The following MYO5B variants were observed in gnomAD, a reference collection of about 807,000 sequenced individuals.
MYO5B encodes myosin VB, also known as unconventional myosin-Vb.
A neutral mutation model predicts 229.3 loss-of-function variants in MYO5B; 143 were observed. The ratio of observed to expected loss-of-function variants is 0.62; its 90% CI spans 0.54 to 0.72. The LOEUF is 0.72. Among genes scored for constraint, MYO5B ranks in the 30% least tolerant of loss-of-function variants. The pLI is 0.00. For missense variants in MYO5B, 2,321 were observed against 2,331.0 expected (o/e 1.00, Z 0.09); for synonymous variants, 918 against 885.2 (o/e 1.04, Z -0.66).
intron 7 of MYO5B, 129 bp downstream of exon 7, chr18:49,990,310 G>T (rs2025915451): frequency 2.7e-6 from 2 of 753,420 alleles, no homozygotes; most frequent in East Asian, 2.7e-5. Context: ...AGGCCTAGGG[G>T]TTATGGCCAC....
At position 49,835,305 on chromosome 18, in the gene MYO5B, G is replaced by A. The variant is rs373445375; in HGVS notation, c.5394+39C>T. 1.4e-4 allele frequency: 207 copies of A among 1,450,672 alleles called. No homozygotes were observed. In the Middle Eastern group the frequency reaches 3.6e-3, roughly 26 times the overall value. 89.9% of individuals were successfully genotyped at this position (1,450,672 alleles called of 1,614,324 possible). ...CAAATTTTTAATTTCCTTTATAGTCGTAGACTGGACTTTATAAAATTACTA... is the reference window on the plus strand; with the variant it reads ...CAAATTTTTAATTTCCTTTATAGTCATAGACTGGACTTTATAAAATTACTA... On this transcript the variant is annotated intron_variant, in intron 39 of 39. Coordinates refer to ENST00000285039, the MANE Select transcript of MYO5B (RefSeq NM_001080467.3).
chr18:49,876,270 T>C (rs947346994), intron 25 of MYO5B: 3 of 279,694 alleles, frequency 1.1e-5, no homozygotes, highest in Non-Finnish European at 2.1e-5. Flanking sequence ...CATCACTTGA[T>C]TGCATCTTGA....
At chr18:50,116,478 A>G (rs1040410663) in intron 1 of MYO5B, among the ~76,000 whole-genome samples, 1 of 152,078 alleles carries the variant, frequency 6.6e-6, no homozygotes, top group African/African-American at 2.4e-5. Context: ...GCCTACCCAA[A>G]CTGGAATCAT....
At chr18:49,852,880 A>T (rs1442327717) in intron 31 of MYO5B, among the ~76,000 whole-genome samples, 1 of 152,038 alleles carries the variant, frequency 6.6e-6, no homozygotes, top group Non-Finnish European at 1.5e-5. Flanking sequence ...AACACTATCT[A>T]CTTTCTCTTC....
At position 49,824,752 on chromosome 18, in the gene MYO5B, C is replaced by T. The variant is rs996729117; in HGVS notation, c.*1719G>A. ...TGGATCCATGGGTAAGTGTCATGGA[C>T]GTCAGTGATTATGTAACTGTAACTG... On this transcript the variant is annotated 3_prime_UTR_variant, in exon 40 of 40. Coordinates refer to ENST00000285039, the MANE Select transcript of MYO5B (RefSeq NM_001080467.3). The T allele has an allele frequency of 2.0e-5, 3 of 152,164 alleles. No individual in the cohort carries two copies. Among genetic ancestry groups the T allele is most frequent in the Admixed American group, 1.3e-4 (2 of 15,276 alleles). The allele number at this position is 152,164 out of a possible 1,614,324, so 9.4% of individuals were successfully genotyped here.
At chr18:50,093,695 C>A (rs577460448) in intron 1 of MYO5B, among the ~76,000 whole-genome samples, 53 of 151,876 alleles carry the variant, frequency 3.5e-4, no homozygotes, top group Admixed American at 2.0e-3. Flanking sequence ...CCACCAAAAA[C>A]AAGATGGAAA....
At chr18:50,056,117 A>G (rs907874754) in intron 1 of MYO5B, among the ~76,000 whole-genome samples, 3 of 152,122 alleles carry the variant, frequency 2.0e-5, no homozygotes, top group Non-Finnish European at 4.4e-5. Flanking sequence ...ACTTTCACTC[A>G]CCTTCACCAA....
At chr18:49,958,263 G>C (rs944942075) in intron 12 of MYO5B, among the ~76,000 whole-genome samples, 1 of 152,134 alleles carries the variant, frequency 6.6e-6, no homozygotes, top group East Asian at 1.9e-4. Flanking sequence ...ACTGTTCCTA[G>C]ATCTATGGAG....
chr18:49,980,767 T>A (rs1174042951), intron 8 of MYO5B, among the ~76,000 whole-genome samples: 1 of 152,086 alleles, frequency 6.6e-6, no homozygotes, highest in East Asian at 1.9e-4. Context: ...AAAGAAAATA[T>A]CTTCACTATG....
At chr18:49,954,737 G>C (rs1046013702) in intron 12 of MYO5B, among the ~76,000 whole-genome samples, 2 of 152,172 alleles carry the variant, frequency 1.3e-5, no homozygotes, top group African/African-American at 4.8e-5. Flanking sequence ...CACAGGAGCA[G>C]AGTCACAGCC....
At chr18:49,997,091 C>T (rs535910888) in intron 5 of MYO5B, among the ~76,000 whole-genome samples, 3 of 152,036 alleles carry the variant, frequency 2.0e-5, no homozygotes, top group Admixed American at 2.0e-4. Flanking sequence ...TGTGGCAAGA[C>T]CCTGTCTCTA....
At chr18:49,926,627 G>A (rs1034617484) in intron 17 of MYO5B, among the ~76,000 whole-genome samples, 11 of 152,196 alleles carry the variant, frequency 7.2e-5, no homozygotes, top group African/African-American at 2.4e-4. Flanking sequence ...TGTCCAGAGG[G>A]GATCCAATGT....
chr18:49,921,104 A>AAG (rs2025069733), intron 17 of MYO5B, among the ~76,000 whole-genome samples: 1 of 152,136 alleles, frequency 6.6e-6, no homozygotes. Flanking sequence ...GCCGCTTCTA[A>AAG]AGCTTCCCTT....
intron 16 of MYO5B, among the ~76,000 whole-genome samples, chr18:49,930,547 C>G (rs187862575): frequency 4.1e-4 from 63 of 152,118 alleles, no homozygotes; most frequent in Non-Finnish European, 6.9e-4. Flanking sequence ...GTGAAAATGC[C>G]AAAAGAAGCC....
intron 21 of MYO5B, among the ~76,000 whole-genome samples, chr18:49,901,191 C>T (rs1004982446): frequency 7.9e-5 from 12 of 152,316 alleles, no homozygotes; most frequent in African/African-American, 1.4e-4. Context: ...ATGCGACATA[C>T]GTCACAGCCA....
chr18:49,870,803 G>A (rs1425745429), intron 27 of MYO5B, among the ~76,000 whole-genome samples: 1 of 152,154 alleles, frequency 6.6e-6, no homozygotes, highest in African/African-American at 2.4e-5. Flanking sequence ...CTACGTGTTG[G>A]CAAGGATGTG....
intron 1 of MYO5B, among the ~76,000 whole-genome samples, chr18:50,155,259 T>C (rs2032661660): frequency 6.6e-6 from 1 of 152,190 alleles, no homozygotes; most frequent in South Asian, 2.1e-4. Flanking sequence ...TCCACTATAT[T>C]ATGCCTTTAA....
chr18:50,179,525 C>T (rs1443054346), intron 1 of MYO5B, among the ~76,000 whole-genome samples: 3 of 152,176 alleles, frequency 2.0e-5, no homozygotes, highest in Admixed American at 6.5e-5. Context: ...ACAGGGACAA[C>T]GGTGCATAGT....
At chr18:49,889,530 C>T (rs977106994) in intron 22 of MYO5B, among the ~76,000 whole-genome samples, 1 of 152,220 alleles carries the variant, frequency 6.6e-6, no homozygotes, top group African/African-American at 2.4e-5. Flanking sequence ...CAGTCAACTA[C>T]TGGTAGGTTT....
Sources: allele counts gnomAD v4.1 joint callset (sites outside exome capture counted in the v4.1 genomes callset), GRCh38; gene constraint gnomAD v4.1.1; transcripts MANE v1.5; gene names NCBI Gene and HGNC (gene_info 2026-07-23, HGNC 2026-07-21).